The following C10orf53 variants were observed in gnomAD, a reference collection of about 807,000 sequenced individuals.
C10orf53 encodes UPF0728 protein C10orf53.
C10orf53 carries 8 observed loss-of-function variants against 9.4 expected under a neutral mutation model. The observed-to-expected ratio is 0.85, with a 90% confidence interval of 0.50 to 1.53. The LOEUF (loss-of-function observed/expected upper bound fraction) is 1.53. Among genes scored for constraint, C10orf53 ranks in the 40% most tolerant of loss-of-function variants. The pLI, the probability that C10orf53 is intolerant of heterozygous loss-of-function variation, is 0.00. For missense variants in C10orf53, 117 were observed against 117.8 expected (o/e 0.99, Z 0.03); for synonymous variants, 48 against 46.0 (o/e 1.04, Z -0.18).
intron 2 of C10orf53, among the ~76,000 whole-genome samples, chr10:49,703,049 G>A (rs1270006326): frequency 6.6e-6 from 1 of 152,020 alleles, no homozygotes; most frequent in Non-Finnish European, 1.5e-5. Context: ...GGGGAGGGGG[G>A]TCGCCGGGGG....
rs1840641785 is a variant in C10orf53 at position 49,697,034 on chromosome 10, A to C, written c.*2432A>C. Among the ~76,000 whole-genome samples, 1 of 152,126 alleles carries C rather than the reference A, an allele frequency of 6.6e-6. No individual in the cohort carries two copies. Among genetic ancestry groups the C allele is most frequent in the Non-Finnish European group, 1.5e-5 (1 of 68,028 alleles). Reference sequence around the variant, plus strand: ...ATGGTGAAGCCTCATCTCTACAAAAAATACAAAAATTAGCCAGGCCTGGTG... The same window carrying C: ...ATGGTGAAGCCTCATCTCTACAAAACATACAAAAATTAGCCAGGCCTGGTG... On this transcript the variant is annotated 3_prime_UTR_variant, in exon 3 of 3. Transcript: ENST00000374111.
At chr10:49,693,739 C>G in intron 1 of C10orf53, 35 bp from the exon 2 acceptor site, 1 of 1,604,844 alleles carries the variant, frequency 6.2e-7, no homozygotes, top group South Asian at 1.1e-5. Context: ...GAAGTCTGAC[C>G]CCATGTCACT....
chr10:49,682,037 C>A (rs1440270812), intron 1 of C10orf53, among the ~76,000 whole-genome samples: 1 of 152,132 alleles, frequency 6.6e-6, no homozygotes, highest in Non-Finnish European at 1.5e-5. Context: ...CACACCTACC[C>A]ACCCTCACCT....
At chr10:49,694,307 C>T in intron 2 of C10orf53, 1 of 619,414 alleles carries the variant, frequency 1.6e-6, no homozygotes, top group Admixed American at 3.0e-5. Context: ...ATGACACTAT[C>T]AGCAACATTC....
At chr10:49,710,171 A>G (rs1444443932) in exon 3 of C10orf53, 2 of 152,168 alleles carry the variant, frequency 1.3e-5, no homozygotes, top group East Asian at 3.9e-4. Flanking sequence ...ATGGCAATCA[A>G]TGCTCCATCC....
downstream of C10orf53, among the ~76,000 whole-genome samples, chr10:49,701,324 T>A (rs577519839): frequency 9.2e-5 from 14 of 152,320 alleles, no homozygotes; most frequent in Admixed American, 2.6e-4. Flanking sequence ...CCTCTGTCAC[T>A]GATGTGAGTG....
intron 1 of C10orf53, among the ~76,000 whole-genome samples, chr10:49,691,804 C>T (rs977037411): frequency 3.3e-5 from 5 of 152,212 alleles, no homozygotes; most frequent in Non-Finnish European, 7.4e-5. Context: ...GGCCTCCACC[C>T]GTAGGGCTGC....
chr10:49,680,109 C>T lies in C10orf53; in HGVS notation c.97+315C>T, dbSNP rs754925394. Among the ~76,000 whole-genome samples the T allele has an allele frequency of 4.6e-5, 7 of 152,386 alleles. No homozygotes were observed. In the East Asian group the frequency reaches 9.6e-4, roughly 21 times the overall value. On this transcript the variant is annotated intron_variant, in intron 1 of 2. Transcript: ENST00000374111. ...CAAGAATATTAAGTGACTTTCACAA[C>T]TCAAATGGCTGGGAAGTAGCGTTGC...
At chr10:49,694,500 T>C (rs1200771416) in intron 2 of C10orf53, 38 bp from the exon 3 acceptor site, 1 of 1,613,272 alleles carries the variant, frequency 6.2e-7, no homozygotes, top group South Asian at 1.1e-5. Flanking sequence ...AAATTGTATA[T>C]AAAGCTAACC....
At chr10:49,687,012 C>T (rs912561924) in intron 1 of C10orf53, among the ~76,000 whole-genome samples, 1 of 152,210 alleles carries the variant, frequency 6.6e-6, no homozygotes, top group African/African-American at 2.4e-5. Flanking sequence ...GGCAAACATG[C>T]CACAAAGCTT....
At chr10:49,700,546 G>A (rs920825239), downstream of C10orf53, among the ~76,000 whole-genome samples, 1 of 152,336 alleles carries the variant, frequency 6.6e-6, no homozygotes, top group East Asian at 1.9e-4. Context: ...GTTGGCGGTT[G>A]TGAGAGAGGC....
At chr10:49,691,588 G>A (rs1164873349) in intron 1 of C10orf53, among the ~76,000 whole-genome samples, 2 of 152,234 alleles carry the variant, frequency 1.3e-5, no homozygotes, top group African/African-American at 2.4e-5. Context: ...GGCTTCATTT[G>A]CTCGAAGATG....
In C10orf53 at chr10:49,708,224, A is replaced by G. The variant is rs533061564; in HGVS notation, c.218-137A>G. 7.4e-6 allele frequency: 10 copies of G among 1,357,774 alleles called. No homozygotes were observed. In the Admixed American group the frequency reaches 2.8e-4, roughly 38 times the overall value. The allele number at this position is 1,357,774 out of a possible 1,614,324, so 84.1% of individuals were successfully genotyped here. On this transcript the variant is annotated intron_variant, in intron 2 of 2. Coordinates refer to the C10orf53 transcript ENST00000374112. ...TAAGCCAGCTGCAATTGGCTTAAGA[A>G]TATAGGAAATATATTGGTTTGTATA...
exon 3 of C10orf53, chr10:49,708,632 AT>A: frequency 6.2e-7 from 1 of 1,612,412 alleles, no homozygotes. Context: ...GACAGGACAG[AT>A]TGTGGGAAAG....
downstream of C10orf53, among the ~76,000 whole-genome samples, chr10:49,700,061 T>C (rs1238394983): frequency 2.0e-5 from 3 of 152,210 alleles, no homozygotes; most frequent in African/African-American, 7.2e-5. Context: ...AATGGTGAGT[T>C]AGCCCCTCCT....
intron 1 of C10orf53, among the ~76,000 whole-genome samples, chr10:49,689,269 A>C (rs753836382): frequency 2.0e-5 from 3 of 152,146 alleles, no homozygotes; most frequent in Non-Finnish European, 4.4e-5. Context: ...AGAGAACTGG[A>C]GGCATAAGGG....
chr10:49,704,474 C>T (rs994863515), intron 2 of C10orf53, among the ~76,000 whole-genome samples: 2 of 152,206 alleles, frequency 1.3e-5, no homozygotes, highest in Non-Finnish European at 2.9e-5. Context: ...GGCGCAGTAG[C>T]TCACACCTGT....
Position 49,693,893 on chromosome 10 carries a change from G to C in C10orf53, c.217G>C (p.Gly73Arg), listed in dbSNP as rs777858798. The C allele has an allele frequency of 1.2e-6, 2 of 1,614,242 alleles. No individual in the cohort carries two copies. Among genetic ancestry groups the C allele is most frequent in the Non-Finnish European group, 1.7e-6 (2 of 1,180,034 alleles). Residue 73 changes from glycine to arginine, a missense_variant and splice_region_variant, in exon 2 of 3, where the codon GGA (glycine) becomes CGA (arginine). Transcript: ENST00000374111. ...FHCNIKDLEF[G>R]GDGKLDPLCE... ...CTGCAACATTAAGGACTTGGAGTTC[G>C]GTAAGCCCTTTGGCGATGCTTCCAG...
intron 1 of C10orf53, among the ~76,000 whole-genome samples, chr10:49,686,517 G>T (rs548185156): frequency 2.0e-5 from 3 of 152,192 alleles, no homozygotes; most frequent in Admixed American, 1.3e-4. Flanking sequence ...GTAGACAGAC[G>T]TGTGAGTAGG....
Sources: gnomAD v4.1 joint callset for allele counts (sites outside exome capture counted in the v4.1 genomes callset) on GRCh38, gnomAD v4.1.1 for gene constraint, MANE v1.5 for transcripts, NCBI Gene and HGNC (gene_info 2026-07-23, HGNC 2026-07-21) for gene names.